The following DCHS2 variants were observed in gnomAD, a reference collection of about 807,000 sequenced individuals.
DCHS2 encodes dachsous cadherin-related 2.
Under a neutral mutation model 182.4 loss-of-function variants are expected in DCHS2, and 142 were observed. That is an observed-to-expected ratio of 0.78 (90% CI 0.68 to 0.89). The LOEUF (loss-of-function observed/expected upper bound fraction) is 0.89. Among genes scored for constraint, DCHS2 ranks in the 40% least tolerant of loss-of-function variants. The pLI, the probability that DCHS2 is intolerant of heterozygous loss-of-function variation, is 0.00. For missense variants in DCHS2, 4,319 were observed against 4,198.6 expected, an observed-to-expected ratio of 1.03 and a Z score of -0.79; for synonymous variants, 1,740 against 1,663.3, an observed-to-expected ratio of 1.05 and a Z score of -1.12.
rs372193866 is a variant in DCHS2 at position 154,458,514 on chromosome 4, A to G, written c.2052+30790T>C. Among the ~76,000 whole-genome samples, 452 of 152,026 alleles carry G rather than the reference A, an allele frequency of 3.0e-3. 20 individuals are homozygous for G. In the South Asian group the frequency reaches 0.069, roughly 23 times the overall value. On this transcript the variant is annotated intron_variant, in intron 1 of 19. Transcript: ENST00000357232. ...ATGAGATTTATCTTGTTTGCTTTGA[A>G]GTTAAAAAGGGAATGATTGTCTGGC...
Position 154,490,937 on chromosome 4 carries a change from C to G in DCHS2, c.419G>C (p.Ser140Thr). ...GCCCAGCAGCGTGGCGGCGACGAAG[C>G]TGTAGTGGTCCCGCCGCTCGCGGTC... ...RLDRERRDHY[S>T]FVAATLLGAV... The change falls in exon 1 of 20, where the codon AGC becomes ACC. Residue 140 changes from serine to threonine, a missense_variant. Ser to Thr is a moderately conservative substitution (Grantham distance 58, BLOSUM62 1). Transcript: ENST00000357232. 3 of 1,550,742 alleles carry G rather than the reference C, an allele frequency of 1.9e-6. No individual in the cohort carries two copies. The highest frequency in any genetic ancestry group is 2.6e-6 in the Non-Finnish European group (3 of 1,146,630).
intron 9 of DCHS2, among the ~76,000 whole-genome samples, chr4:154,319,446 T>A (rs1482174352): frequency 6.6e-6 from 1 of 151,356 alleles, no homozygotes; most frequent in Non-Finnish European, 1.5e-5. Context: ...GGGGTTAATA[T>A]CCAGAATATA....
Position 154,490,108 on chromosome 4 carries a change from G to A in DCHS2, c.1248C>T (p.Leu416=). 1 of 1,549,030 alleles carries A rather than the reference G, an allele frequency of 6.5e-7. No individual in the cohort carries two copies. Among genetic ancestry groups the A allele is most frequent in the Non-Finnish European group, 8.7e-7 (1 of 1,146,102 alleles). ...GGGCGACGCCTCCCTCTGTGAGAAA[G>A]AGCACGTGAATTGCTGGCCGGTTGT... The part of the protein sequence containing the change: ...VNDNRPAIHV[L]FLTEGGVARV... Residue 416 remains leucine, a synonymous_variant, in exon 1 of 20, where the codon CTC becomes CTT. Transcript: ENST00000357232.
intron 1 of DCHS2, among the ~76,000 whole-genome samples, chr4:154,448,558 C>G (rs543601354): frequency 6.6e-6 from 1 of 152,318 alleles, no homozygotes; most frequent in East Asian, 1.9e-4. Flanking sequence ...TCAACTAAAG[C>G]AAGAGCCTGC....
intron 2 of DCHS2, among the ~76,000 whole-genome samples, chr4:154,372,268 A>G (rs192590844): frequency 2.0e-5 from 3 of 152,324 alleles, no homozygotes; most frequent in Non-Finnish European, 1.5e-5. Context: ...GACAGGAATA[A>G]GCATTTGAAC....
At chr4:154,265,923 A>G (rs1733232752) in intron 14 of DCHS2, among the ~76,000 whole-genome samples, 3 of 152,148 alleles carry the variant, frequency 2.0e-5, no homozygotes, top group African/African-American at 4.8e-5. Flanking sequence ...AACCCTATAT[A>G]TACTATGCTT....
intron 1 of DCHS2, among the ~76,000 whole-genome samples, chr4:154,378,990 T>C (rs1277982540): frequency 6.6e-6 from 1 of 152,204 alleles, no homozygotes; most frequent in Admixed American, 6.5e-5. Flanking sequence ...GTGGTGCCTG[T>C]GCTCTTAAGT....
chr4:154,303,416 T>C (rs1735297201), intron 12 of DCHS2, among the ~76,000 whole-genome samples: 3 of 151,180 alleles, frequency 2.0e-5, no homozygotes, highest in South Asian at 4.2e-4. Flanking sequence ...TTAAAAAAAG[T>C]TTAGTTGACA....
intron 1 of DCHS2, among the ~76,000 whole-genome samples, chr4:154,439,189 C>T (rs1156836798): frequency 6.6e-6 from 1 of 152,186 alleles, no homozygotes; most frequent in Non-Finnish European, 1.5e-5. Flanking sequence ...GAAAGCACTA[C>T]TTCACCAAAC....
intron 1 of DCHS2, among the ~76,000 whole-genome samples, chr4:154,420,102 C>T (rs1158568221): frequency 6.6e-6 from 1 of 151,888 alleles, no homozygotes; most frequent in African/African-American, 2.4e-5. Flanking sequence ...AAATAACAGC[C>T]ATGGGGGCTG....
chr4:154,372,328 G>A (rs185643846), intron 2 of DCHS2, among the ~76,000 whole-genome samples: 144 of 152,262 alleles, frequency 9.5e-4, no homozygotes, highest in African/African-American at 3.2e-3. Flanking sequence ...AAATGAATGT[G>A]CCTTTTTACT....
chr4:154,381,445 G>T (rs758411254), intron 1 of DCHS2, among the ~76,000 whole-genome samples: 1 of 151,906 alleles, frequency 6.6e-6, no homozygotes. Flanking sequence ...CAGAGCAATC[G>T]GGCAACAGAA....
In DCHS2 at chr4:154,244,138, T is replaced by A. The variant is rs142727467; in HGVS notation, c.6942-1366A>T. On this transcript the variant is annotated intron_variant, in intron 16 of 19. Coordinates refer to ENST00000357232, the MANE Select transcript of DCHS2 (RefSeq NM_001358235.2). The stretch of plus-strand genomic sequence containing the variant: ...CCTGTACATTCTTCTGCCATAGCAA[T>A]CATCACTCTTTTTTCTTAATAACAT... 3.2e-3 allele frequency among the ~76,000 whole-genome samples: 492 copies of A among 152,354 alleles called. 3 individuals carry two copies. The highest frequency in any genetic ancestry group is 0.01 in the Middle Eastern group (3 of 294).
chr4:154,323,320 A>G (rs1439650902), intron 7 of DCHS2: 5 of 1,542,912 alleles, frequency 3.2e-6, no homozygotes, highest in Non-Finnish European at 3.5e-6. Context: ...CTTCAGAGGC[A>G]TAGGTCTAGC....
chr4:154,263,537 A>G (rs974919289), intron 14 of DCHS2, among the ~76,000 whole-genome samples: 1 of 152,026 alleles, frequency 6.6e-6, no homozygotes, highest in Non-Finnish European at 1.5e-5. Flanking sequence ...TTCTACCACA[A>G]CCTTTTATCT....
At position 154,463,846 on chromosome 4, in the gene DCHS2, A is replaced by T. The variant is rs1477204486; in HGVS notation, c.2052+25458T>A. On this transcript the variant is annotated intron_variant, in intron 1 of 19. Transcript: ENST00000357232. The stretch of plus-strand genomic sequence containing the variant: ...AGAGACTTCATATAGATTCCATGTG[A>T]TTTGGATTTTATGCTTAACTCAGAA... Among the ~76,000 whole-genome samples the T allele has an allele frequency of 4.6e-5, 7 of 152,148 alleles. No individual in the cohort carries two copies. The East Asian group carries it at 1.3e-3, about 29-fold the overall frequency.
chr4:154,264,823 G>C lies in DCHS2; in HGVS notation c.6578-5067C>G, dbSNP rs185653232. Reference sequence around the variant, plus strand: ...AGAAGAAAGGCTGAGATGTAAGAAAGAATGGTTAGCAGAGACATCAACAAG... The same window carrying C: ...AGAAGAAAGGCTGAGATGTAAGAAACAATGGTTAGCAGAGACATCAACAAG... On this transcript the variant is annotated intron_variant, in intron 14 of 19. Coordinates refer to ENST00000357232, the MANE Select transcript of DCHS2 (RefSeq NM_001358235.2). Among the ~76,000 whole-genome samples, 130 of 152,238 alleles carry C rather than the reference G, an allele frequency of 8.5e-4. 1 individual carries two copies. The highest frequency in any genetic ancestry group is 1.4e-3 in the Non-Finnish European group (94 of 68,006).
intron 1 of DCHS2, among the ~76,000 whole-genome samples, chr4:154,488,514 T>G (rs1417510442): frequency 6.6e-6 from 1 of 152,106 alleles, no homozygotes; most frequent in Non-Finnish European, 1.5e-5. Flanking sequence ...CTCAAAACAG[T>G]GTCAGTGTAT....
chr4:154,456,510 C>T (rs532500867), intron 1 of DCHS2, among the ~76,000 whole-genome samples: 102 of 152,160 alleles, frequency 6.7e-4, no homozygotes, highest in African/African-American at 2.2e-3. Context: ...ACAGGAGATG[C>T]GGAAACTAGC....
Sources: allele counts gnomAD v4.1 joint callset (sites outside exome capture counted in the v4.1 genomes callset), GRCh38; gene constraint gnomAD v4.1.1; transcripts MANE v1.5; gene names NCBI Gene and HGNC (gene_info 2026-07-23, HGNC 2026-07-21).